ITK: variants seen among roughly 807,000 people sequenced by gnomAD.
ITK encodes tyrosine-protein kinase ITK/TSK.
A neutral mutation model predicts 87.6 loss-of-function variants in ITK; 45 were observed. The observed-to-expected ratio is 0.51, with a 90% CI of 0.40 to 0.66. ITK has a LOEUF of 0.66. ITK is among the 30% of genes least tolerant of loss of function. The pLI, the probability that ITK is intolerant of heterozygous loss-of-function variation, is 0.00. For missense variants in ITK, 605 were observed against 766.3 expected (o/e 0.79, Z 2.48); for synonymous variants, 303 against 273.6 (o/e 1.11, Z -1.06).
In ITK at chr5:157,238,146, CT is replaced by C. The variant is rs1186855270; in HGVS notation, c.807del (p.Ala270GlnfsTer14). 6.2e-7 allele frequency: 1 copy of C among 1,613,942 alleles called. No homozygotes were observed. The highest frequency in any genetic ancestry group is 8.5e-7 in the Non-Finnish European group (1 of 1,179,808). On this transcript the variant is annotated frameshift_variant, in exon 9 of 17. Coordinates refer to ENST00000422843, the MANE Select transcript of ITK (RefSeq NM_005546.4). LOFTEE classifies it high-confidence loss of function. ...EGAFMVRDSRTAGTYTVSVFT... is the reference protein window; with the variant it reads ...EGAFMVRDSRXAGTYTVSVFT... ...GCCTTCATGGTAAGGGATTCCAGGA[CT>C]GCAGGAACATACACCGTGTCTGTTT...
chr5:157,215,359 C>T (rs2113756497), intron 4 of ITK, among the ~76,000 whole-genome samples: 1 of 152,302 alleles, frequency 6.6e-6, no homozygotes, highest in East Asian at 1.9e-4. Context: ...GCTAGGTTTT[C>T]TGTGGCTTCC....
chr5:157,193,883 T>TA (rs1010617199), intron 1 of ITK, among the ~76,000 whole-genome samples: 41 of 152,030 alleles, frequency 2.7e-4, no homozygotes, highest in Non-Finnish European at 4.9e-4. Context: ...CAATTTTTTT[T>TA]AAAAAACCAC....
At chr5:157,249,822 G>T (rs1405671366) in intron 16 of ITK, among the ~76,000 whole-genome samples, 1 of 152,160 alleles carries the variant, frequency 6.6e-6, no homozygotes, top group East Asian at 1.9e-4. Flanking sequence ...GAGACATAAA[G>T]GAGGGCATAA....
At chr5:157,242,212 C>G (rs542264710) in intron 11 of ITK, among the ~76,000 whole-genome samples, 1 of 152,230 alleles carries the variant, frequency 6.6e-6, no homozygotes, top group South Asian at 2.1e-4. Context: ...TGCCGCAGCC[C>G]CTACTATGTT....
At chr5:157,197,768 A>G (rs915584017) in intron 1 of ITK, among the ~76,000 whole-genome samples, 1 of 152,206 alleles carries the variant, frequency 6.6e-6, no homozygotes, top group Non-Finnish European at 1.5e-5. Context: ...CCATACACAG[A>G]TGGATGTTTA....
chr5:157,210,531 G>GTT (rs11448931), intron 2 of ITK, among the ~76,000 whole-genome samples: 2,923 of 147,292 alleles, frequency 0.02, 36 homozygotes, highest in Non-Finnish European at 0.027. Context: ...CAATCTCTTG[G>GTT]TTTTTTTTTT....
At chr5:157,226,832 C>T (rs2113763520) in intron 6 of ITK, among the ~76,000 whole-genome samples, 1 of 152,212 alleles carries the variant, frequency 6.6e-6, no homozygotes, top group South Asian at 2.1e-4. Flanking sequence ...CAGAGTCTTG[C>T]TCTGTCACCC....
At chr5:157,201,435 T>C (rs760325585) in intron 1 of ITK, among the ~76,000 whole-genome samples, 1 of 151,594 alleles carries the variant, frequency 6.6e-6, no homozygotes, top group Non-Finnish European at 1.5e-5. Context: ...GCAGCTGGGA[T>C]TACAGATGCG....
chr5:157,218,801 T>G (rs1383544027), intron 5 of ITK, among the ~76,000 whole-genome samples: 2 of 152,118 alleles, frequency 1.3e-5, no homozygotes, highest in African/African-American at 4.8e-5. Context: ...GTTCTCAAAG[T>G]ATAGTCCATG....
At chr5:157,221,373 C>T (rs1754408705) in intron 5 of ITK, among the ~76,000 whole-genome samples, 2 of 152,066 alleles carry the variant, frequency 1.3e-5, no homozygotes, top group Admixed American at 1.3e-4. Flanking sequence ...CTTGGGAAAT[C>T]CAGTACTTTG....
chr5:157,242,205 C>T (rs30120), intron 11 of ITK, among the ~76,000 whole-genome samples: 108,611 of 152,020 alleles, frequency 0.71, 39,231 homozygotes, highest in East Asian at 0.98. Flanking sequence ...TCTCCAGTGC[C>T]GCAGCCCCTA....
chr5:157,213,803 G>A, intron 3 of ITK: 1 of 356,530 alleles, frequency 2.8e-6, no homozygotes. Flanking sequence ...GTGGTTAAAG[G>A]TAGGAGAGGT....
chr5:157,252,376 C>A (rs577690832), intron 16 of ITK, among the ~76,000 whole-genome samples: 20 of 152,098 alleles, frequency 1.3e-4, no homozygotes, highest in African/African-American at 4.8e-4. Context: ...GGTTAAATAA[C>A]CTGCTGAATG....
intron 1 of ITK, among the ~76,000 whole-genome samples, chr5:157,184,399 C>T (rs395093): frequency 0.15 from 22,230 of 152,112 alleles, 1,895 homozygotes; most frequent in African/African-American, 0.22. Context: ...CAGTACAAGC[C>T]GAGTCCAGCA....
intron 5 of ITK, among the ~76,000 whole-genome samples, chr5:157,222,546 C>T (rs1409103089): frequency 6.6e-6 from 1 of 152,188 alleles, no homozygotes; most frequent in Non-Finnish European, 1.5e-5. Flanking sequence ...TTGACTGCAT[C>T]TCCTTTGCCA....
intron 10 of ITK, chr5:157,240,525 C>CTGGGTTAGACTT: frequency 2.6e-6 from 1 of 387,244 alleles, no homozygotes. Context: ...CAGAGGGCAC[C>CTGGGTTAGACTT]TGGGTTAGAC....
intron 4 of ITK, among the ~76,000 whole-genome samples, chr5:157,214,922 G>A (rs79427029): frequency 0.014 from 2,138 of 152,232 alleles, 21 homozygotes; most frequent in Non-Finnish European, 0.023. Context: ...GAAGGCCGCA[G>A]TCTAAATGCA....
chr5:157,205,040 A>G (rs960722885), intron 1 of ITK, among the ~76,000 whole-genome samples: 4 of 152,212 alleles, frequency 2.6e-5, no homozygotes, highest in African/African-American at 9.7e-5. Context: ...CCTGGATATC[A>G]ACCAAGCACG....
chr5:157,209,300 C>T (rs1005821936), intron 2 of ITK, among the ~76,000 whole-genome samples: 1 of 150,054 alleles, frequency 6.7e-6, no homozygotes. Context: ...CCATTCACTC[C>T]AGCCCAGGCA....
Sources: gnomAD v4.1 joint callset for allele counts (sites outside exome capture counted in the v4.1 genomes callset) on GRCh38, gnomAD v4.1.1 for gene constraint, MANE v1.5 for transcripts, NCBI Gene and HGNC (gene_info 2026-07-23, HGNC 2026-07-21) for gene names.